The following VILL variants were observed in gnomAD, a reference collection of about 807,000 sequenced individuals.
VILL encodes the protein villin like.
Under a neutral mutation model 106.3 loss-of-function variants are expected in VILL, and 102 were observed. The observed-to-expected ratio is 0.96, with a 90% confidence interval of 0.82 to 1.13. VILL has a LOEUF of 1.13. Among genes scored for constraint, VILL ranks in the 50% most tolerant of loss-of-function variants. The pLI, the probability that VILL is intolerant of heterozygous loss-of-function variation, is 0.00. For missense variants in VILL, 1,076 were observed against 1,116.6 expected, an observed-to-expected ratio of 0.96 and a Z score of 0.52; for synonymous variants, 431 against 440.3, an observed-to-expected ratio of 0.98 and a Z score of 0.27.
At chr3:38,005,695 G>T in intron 16 of VILL, 97 bp from the exon 17 acceptor site, 1 of 1,372,788 alleles carries the variant, frequency 7.3e-7, no homozygotes, top group African/African-American at 1.4e-5. Context: ...TGTATGTGGG[G>T]TTCTGTCTGG....
Position 38,006,441 on chromosome 3 carries a change from C to G in VILL, c.2206-8C>G. On this transcript the variant is annotated splice_region_variant and splice_polypyrimidine_tract_variant and intron_variant, in intron 18 of 19. Transcript: ENST00000383759. ...ATCTTCCCCAGCCTGAGGCTCCTCT[C>G]TGGACAGGAAGTCAACAACTTGCGG... is the stretch of plus-strand genomic sequence containing the variant. 1 of 1,592,940 alleles carries G rather than the reference C, an allele frequency of 6.3e-7. No individual in the cohort carries two copies.
At position 37,994,336 on chromosome 3, in the gene VILL, G is replaced by A. The variant is rs763641214; in HGVS notation, c.211G>A (p.Glu71Lys). The A allele has an allele frequency of 2.0e-5, 33 of 1,611,292 alleles. No individual in the cohort carries two copies. Among genetic ancestry groups the A allele is most frequent in the Non-Finnish European group, 2.6e-5 (31 of 1,179,702 alleles). Residue 71 changes from glutamate to lysine, a missense_variant, in exon 4 of 20, where the codon GAA becomes AAA. Transcript: ENST00000383759. The part of the protein sequence containing the change: ...HYWVGKQAGA[E>K]AQGAAEAFQQ... ...CTGGGTCGGGAAGCAGGCGGGTGCG[G>A]AAGCGCAGGGCGCTGCGGAGGCCTT...
upstream of VILL, chr3:37,988,385 CTAGT>C (rs1316572502): frequency 6.6e-6 from 1 of 152,048 alleles, no homozygotes. Flanking sequence ...AATTTTCCCT[CTAGT>C]TAGTCAAAAT....
intron 15 of VILL, chr3:38,003,963 G>A (rs1699867080): frequency 3.1e-6 from 1 of 318,784 alleles, no homozygotes; most frequent in Admixed American, 4.4e-5. Context: ...CCATCCCAGG[G>A]AGGGCGAGAC....
In VILL at chr3:38,005,969, T is replaced by A; in HGVS notation, c.2128T>A (p.Trp710Arg). ...GTTCTTCACTTGGGACCCCTACAAG[T>A]GGACTGTGAGTGAGGCCTGAAACCC... ...GWFFTWDPYKWTSHPSHKEVV... is the reference protein window; with the variant it reads ...GWFFTWDPYKRTSHPSHKEVV... The change falls in exon 17 of 20, where the codon TGG becomes AGG. Residue 710 changes from tryptophan (W) to arginine (R), a missense_variant. Transcript: ENST00000383759. 1 of 1,610,804 alleles carries A rather than the reference T, an allele frequency of 6.2e-7. No homozygotes were observed. Among genetic ancestry groups the A allele is most frequent in the Non-Finnish European group, 8.5e-7 (1 of 1,177,846 alleles).
In VILL at chr3:37,994,399, G is replaced by T. The variant is rs763847142; in HGVS notation, c.274G>T (p.Val92Leu). 3.7e-6 allele frequency: 6 copies of T among 1,612,606 alleles called. No homozygotes were observed. In the South Asian group the frequency reaches 6.6e-5, roughly 18 times the overall value. Reference sequence around the variant, plus strand: ...ACAGGACGAGCTGGGGGGCCAGACCGTGCTGCACCGCGAGGCGCAGGGCCA... The same window carrying T: ...ACAGGACGAGCTGGGGGGCCAGACCTTGCTGCACCGCGAGGCGCAGGGCCA... The part of the protein sequence containing the change: ...RLQDELGGQT[V>L]LHREAQGHES... Residue 92 changes from valine (V) to leucine (L), a missense_variant, in exon 4 of 20, where the codon GTG becomes TTG. By Grantham distance (32) the Val-to-Leu change is conservative (BLOSUM62 1). Coordinates refer to ENST00000383759, the MANE Select transcript of VILL (RefSeq NM_015873.4).
At chr3:38,002,097 G>A in intron 13 of VILL, 1 of 705,778 alleles carries the variant, frequency 1.4e-6, no homozygotes, top group Non-Finnish European at 2.3e-6. Context: ...GGCTTGCCTG[G>A]GGCTGCACAC....
Position 37,998,881 on chromosome 3 carries a change from G to A in VILL, c.943-31G>A, listed in dbSNP as rs903623626. ...GGCAGTGGGGCAGTGGACTCTCAGG[G>A]TCGCAGGACTGACGATGCCTTCCGC... is the stretch of plus-strand genomic sequence containing the variant. On this transcript the variant is annotated intron_variant, in intron 9 of 19. Transcript: ENST00000383759. The surrounding 1 kb of genome is among the most constrained non-coding windows in gnomAD (Gnocchi z 4.1). 1 of 1,579,262 alleles carries A rather than the reference G, an allele frequency of 6.3e-7. No individual in the cohort carries two copies. Among genetic ancestry groups the A allele is most frequent in the Admixed American group, 1.7e-5 (1 of 58,630 alleles).
At position 38,003,293 on chromosome 3, in the gene VILL, C is replaced by T. The variant is rs1273214385; in HGVS notation, c.1785C>T (p.Ala595=). 7 of 1,611,416 alleles carry T rather than the reference C, an allele frequency of 4.3e-6. No homozygotes were observed. The highest frequency in any genetic ancestry group is 2.2e-5 in the South Asian group (2 of 90,632). The change falls in exon 15 of 20, where the codon GCC becomes GCT. Residue 595 remains alanine (A), a synonymous_variant. Transcript: ENST00000383759. ...TCTGGGAGGCCCTGGGAGGCCGGGC[C>T]CCCTACCCCAGCAACAAGAGGTAAC... ...PHFWEALGGR[A]PYPSNKRLPE...
chr3:37,993,396 G>A, intron 1 of VILL, 191 bp from the exon 2 acceptor site: 1 of 476,108 alleles, frequency 2.1e-6, no homozygotes. Context: ...TGCAGGCTAG[G>A]GTGGCAGAGC....
At chr3:38,000,153 T>C (rs1267735701) in intron 11 of VILL, among the ~76,000 whole-genome samples, 2 of 152,244 alleles carry the variant, frequency 1.3e-5, no homozygotes, top group Non-Finnish European at 2.9e-5. Flanking sequence ...CCTGTGGTCT[T>C]GTGGGAACAG....
chr3:37,997,559 AGGCCAAAGCCCC>A lies in VILL; in HGVS notation c.641_652del (p.Ala214_Pro217del). 6.2e-7 allele frequency: 1 copy of A among 1,614,116 alleles called. No homozygotes were observed. Among genetic ancestry groups the A allele is most frequent in the Non-Finnish European group, 8.5e-7 (1 of 1,180,024 alleles). ...GCACAGATTGGTGTGGTGGATGATG[AGGCCAAAGCCCC>A]GGACCTCATGCAGATCATGGAGGCT... On this transcript the variant is annotated inframe_deletion, in exon 7 of 20. Transcript: ENST00000383759. The surrounding 1 kb of genome is among the most constrained non-coding windows in gnomAD (Gnocchi z 4.7).
Position 38,002,502 on chromosome 3 carries a change from G to A in VILL, c.1586G>A (p.Arg529His), listed in dbSNP as rs144544911. Residue 529 changes from arginine (R) to histidine (H), a missense_variant, in exon 14 of 20, where the codon CGT becomes CAT. Arg to His is a conservative substitution (Grantham distance 29, BLOSUM62 0). Transcript: ENST00000383759. ...HNTRTMEVPA[R>H]ASSLNSSDIF... ...ACCAGGACCATGGAGGTGCCAGCCCGTGCCTCATCCCTCAACTCCAGTGAC... is the reference window on the plus strand; with the variant it reads ...ACCAGGACCATGGAGGTGCCAGCCCATGCCTCATCCCTCAACTCCAGTGAC... 237 of 1,614,188 alleles carry A rather than the reference G, an allele frequency of 1.5e-4. 3 individuals are homozygous for A. In the East Asian group the frequency reaches 3.2e-3, roughly 22 times the overall value.
upstream of VILL, among the ~76,000 whole-genome samples, chr3:37,989,518 C>T (rs1436874569): frequency 1.3e-5 from 2 of 152,148 alleles, no homozygotes; most frequent in South Asian, 2.1e-4. Context: ...AACTGACTGC[C>T]GCTTGGTTGA....
At chr3:37,991,135 G>A (rs1486466781) in intron 1 of VILL, 1 of 152,300 alleles carries the variant, frequency 6.6e-6, no homozygotes, top group Admixed American at 6.5e-5. Flanking sequence ...TCACTCTAGA[G>A]GGCGGCACCA....
intron 1 of VILL, chr3:37,993,366 A>C: frequency 2.7e-6 from 1 of 365,378 alleles, no homozygotes; most frequent in Non-Finnish European, 5.1e-6. Flanking sequence ...GTTGCAGTGA[A>C]GTGTGTTCGA....
chr3:38,000,796 C>A, intron 11 of VILL: 1 of 442,274 alleles, frequency 2.3e-6, no homozygotes. Flanking sequence ...CTGTCAGGGT[C>A]AGTGTGGGAA....
rs746728360 is a variant in VILL at position 38,001,689 on chromosome 3, C to A, written c.1321-13C>A. On this transcript the variant is annotated splice_polypyrimidine_tract_variant and intron_variant, in intron 12 of 19. Transcript: ENST00000383759. The stretch of plus-strand genomic sequence containing the variant: ...AGCTGGGCCAGGCCCTCACTCACTG[C>A]CCCCACCTGCAGGGCCACCAGGCCA... 6.2e-7 allele frequency: 1 copy of A among 1,614,066 alleles called. No homozygotes were observed. Among genetic ancestry groups the A allele is most frequent in the Non-Finnish European group, 8.5e-7 (1 of 1,179,932 alleles).
rs573042970 is a variant in VILL at position 37,992,975 on chromosome 3, C to T, written c.-86-612C>T. Among the ~76,000 whole-genome samples the T allele has an allele frequency of 7.9e-5, 12 of 152,296 alleles. No individual in the cohort carries two copies. The South Asian group carries it at 2.1e-3, about 26-fold the overall frequency. On this transcript the variant is annotated intron_variant, in intron 1 of 19. Transcript: ENST00000383759. Reference sequence around the variant, plus strand: ...GGAGTGGAGGGGGAGGAGGGAAGGACTAACACACCAGGGTCACCCTGAGTG... The same window carrying T: ...GGAGTGGAGGGGGAGGAGGGAAGGATTAACACACCAGGGTCACCCTGAGTG...
Sources: gnomAD v4.1 joint callset for allele counts (sites outside exome capture counted in the v4.1 genomes callset) on GRCh38, gnomAD v4.1.1 for gene constraint, Gnocchi (gnomAD v3.1) non-coding constraint, MANE v1.5 for transcripts, NCBI Gene and HGNC (gene_info 2026-07-23, HGNC 2026-07-21) for gene names.